Variants in DCC observed in about 807,000 individuals in gnomAD.
The protein encoded by DCC is netrin receptor DCC.
In DCC, 58 loss-of-function variants were observed where a neutral mutation model predicts 172.5. The observed-to-expected ratio is 0.34, with a 90% CI of 0.27 to 0.42. DCC has a LOEUF of 0.42. Among genes scored for constraint, DCC ranks in the 10% least tolerant of loss-of-function variants. The pLI, the probability that DCC is intolerant of heterozygous loss-of-function variation, is 1.00. For synonymous variants in DCC, 709 were observed against 644.5 expected (o/e 1.10, Z -1.52); for missense variants, 1,740 against 1,791.0 (o/e 0.97, Z 0.51).
chr18:52,366,505 C>G (rs1456045861), intron 1 of DCC, among the ~76,000 whole-genome samples: 2 of 152,078 alleles, frequency 1.3e-5, no homozygotes, highest in African/African-American at 4.8e-5. Flanking sequence ...GAGCTAGATA[C>G]AAAGGTTCTC....
chr18:52,954,507 A>C (rs994127922), intron 5 of DCC, among the ~76,000 whole-genome samples: 1 of 152,196 alleles, frequency 6.6e-6, no homozygotes, highest in Non-Finnish European at 1.5e-5. Context: ...ATCACATTCA[A>C]GCAAGAAACA....
At chr18:52,363,389 C>G (rs1984706933) in intron 1 of DCC, among the ~76,000 whole-genome samples, 1 of 152,142 alleles carries the variant, frequency 6.6e-6, no homozygotes, top group Non-Finnish European at 1.5e-5. Context: ...TTCAGAATCC[C>G]TCATTTCTCC....
At chr18:53,483,105 C>T (rs1302994629) in intron 25 of DCC, among the ~76,000 whole-genome samples, 3 of 151,824 alleles carry the variant, frequency 2.0e-5, no homozygotes, top group African/African-American at 7.2e-5. Flanking sequence ...ACAAAGACAA[C>T]AAAATTATAA....
intron 1 of DCC, among the ~76,000 whole-genome samples, chr18:52,514,823 T>G (rs2031570659): frequency 1.3e-5 from 2 of 152,196 alleles, no homozygotes; most frequent in Admixed American, 1.3e-4. Context: ...TTGCCATATT[T>G]AGATCTAAAT....
intron 1 of DCC, among the ~76,000 whole-genome samples, chr18:52,387,662 T>A (rs1471210767): frequency 6.9e-6 from 1 of 144,276 alleles, no homozygotes; most frequent in East Asian, 2.0e-4. Flanking sequence ...TGAAGTATGA[T>A]CTATGAACAA....
chr18:52,684,667 G>T (rs565549414), intron 1 of DCC, among the ~76,000 whole-genome samples: 6 of 152,136 alleles, frequency 3.9e-5, no homozygotes, highest in African/African-American at 1.4e-4. Flanking sequence ...ACTGCTGCTG[G>T]TGGAAGCTAG....
At chr18:53,255,925 T>A (rs901382455) in intron 12 of DCC, among the ~76,000 whole-genome samples, 3 of 152,346 alleles carry the variant, frequency 2.0e-5, no homozygotes, top group African/African-American at 2.4e-5. Flanking sequence ...TGAGATGGTA[T>A]CTCATTGTGG....
chr18:52,780,445 C>T (rs985802281), intron 2 of DCC, among the ~76,000 whole-genome samples: 3 of 152,138 alleles, frequency 2.0e-5, no homozygotes, highest in Non-Finnish European at 2.9e-5. Flanking sequence ...TAGCAAGGGT[C>T]ATGGCTGTGA....
intron 9 of DCC, among the ~76,000 whole-genome samples, chr18:53,182,005 C>T (rs1213686648): frequency 5.9e-5 from 9 of 152,202 alleles, no homozygotes; most frequent in Non-Finnish European, 1.2e-4. Flanking sequence ...CTTTATATAT[C>T]ACACATTCCT....
At chr18:53,170,407 T>C (rs1205002520) in intron 8 of DCC, among the ~76,000 whole-genome samples, 1 of 152,372 alleles carries the variant, frequency 6.6e-6, no homozygotes, top group African/African-American at 2.4e-5. Flanking sequence ...AAAATTAATA[T>C]GATAGAAAAT....
At chr18:53,227,005 A>T (rs1430438680) in intron 12 of DCC, among the ~76,000 whole-genome samples, 1 of 135,366 alleles carries the variant, frequency 7.4e-6, no homozygotes, top group Admixed American at 8.2e-5. Context: ...GGTGGAGTGC[A>T]GTGGTGTGAT....
chr18:52,568,816 G>T (rs2033225668), intron 1 of DCC, among the ~76,000 whole-genome samples: 1 of 152,052 alleles, frequency 6.6e-6, no homozygotes, highest in South Asian at 2.1e-4. Flanking sequence ...ACTCTAGAAT[G>T]ATATTTTTTT....
chr18:53,122,099 A>G (rs2043491367), intron 7 of DCC, among the ~76,000 whole-genome samples: 1 of 151,992 alleles, frequency 6.6e-6, no homozygotes, highest in Non-Finnish European at 1.5e-5. Flanking sequence ...CAATTGCTGC[A>G]TGAGTTTTAA....
At chr18:52,589,677 A>T (rs1338202105) in intron 1 of DCC, among the ~76,000 whole-genome samples, 1 of 152,234 alleles carries the variant, frequency 6.6e-6, no homozygotes, top group Non-Finnish European at 1.5e-5. Flanking sequence ...TCAGAAATAA[A>T]AGAACCATAT....
chr18:52,676,445 C>A (rs145613399), intron 1 of DCC, among the ~76,000 whole-genome samples: 2 of 152,212 alleles, frequency 1.3e-5, no homozygotes, highest in African/African-American at 2.4e-5. Context: ...TAAATTGTAT[C>A]CTCACATGTA....
intron 7 of DCC, among the ~76,000 whole-genome samples, chr18:53,090,018 C>T (rs923588215): frequency 1.3e-5 from 2 of 152,134 alleles, no homozygotes; most frequent in African/African-American, 2.4e-5. Flanking sequence ...ACTTTCTCCC[C>T]ACTCCCCTCG....
At chr18:52,467,327 G>A (rs981782935) in intron 1 of DCC, among the ~76,000 whole-genome samples, 3 of 152,056 alleles carry the variant, frequency 2.0e-5, no homozygotes, top group Non-Finnish European at 4.4e-5. Context: ...TTAGTTTGCT[G>A]AGAATGAATT....
intron 1 of DCC, among the ~76,000 whole-genome samples, chr18:52,743,085 T>C (rs76474866): frequency 0.065 from 9,847 of 152,268 alleles, 452 homozygotes; most frequent in South Asian, 0.15. Flanking sequence ...AAGAGATTTC[T>C]AAAAGTTGAT....
At chr18:53,217,738 C>T (rs2055875873) in intron 12 of DCC, among the ~76,000 whole-genome samples, 1 of 151,960 alleles carries the variant, frequency 6.6e-6, no homozygotes. Flanking sequence ...TTAATATTTA[C>T]CCCTGACTGT....
Sources: gnomAD v4.1 joint callset for allele counts (sites outside exome capture counted in the v4.1 genomes callset) on GRCh38, gnomAD v4.1.1 for gene constraint, MANE v1.5 for transcripts, NCBI Gene and HGNC (gene_info 2026-07-23, HGNC 2026-07-21) for gene names.